Variants in FEZ1 observed in about 807,000 individuals in gnomAD.
FEZ1 encodes fasciculation and elongation protein zeta 1.
A neutral mutation model predicts 49.3 loss-of-function variants in FEZ1; 20 were observed. That is an observed-to-expected ratio of 0.41 (90% CI 0.29 to 0.59). The LOEUF is 0.59. Ranked by LOEUF, FEZ1 falls within the 20% of genes least tolerant of loss-of-function variation. The pLI is 0.36. For synonymous variants in FEZ1, 170 were observed against 180.9 expected (o/e 0.94, Z 0.48); for missense variants, 413 against 476.0 (o/e 0.87, Z 1.23).
intron 3 of FEZ1, among the ~76,000 whole-genome samples, chr11:125,477,514 C>CA (rs1957242845): frequency 6.6e-6 from 1 of 151,856 alleles, no homozygotes; most frequent in Non-Finnish European, 1.5e-5. Flanking sequence ...CACACACACA[C>CA]AAAAAATTAG....
At position 125,475,868 on chromosome 11, in the gene FEZ1, A is replaced by G. The variant is rs559431069; in HGVS notation, c.411+5666T>C. Among the ~76,000 whole-genome samples the G allele has an allele frequency of 2.4e-4, 36 of 152,342 alleles. No homozygotes were observed. In the South Asian group the frequency reaches 7.2e-3, roughly 31 times the overall value. On this transcript the variant is annotated intron_variant, in intron 3 of 9. Transcript: ENST00000278919. ...ACAGAAAAATGTTCACAGCAGCTTCATTTGAAATATGCAAAAAGTAGAAAA... is the reference window on the plus strand; with the variant it reads ...ACAGAAAAATGTTCACAGCAGCTTCGTTTGAAATATGCAAAAAGTAGAAAA...
At position 125,477,055 on chromosome 11, in the gene FEZ1, G is replaced by A. The variant is rs191909477; in HGVS notation, c.411+4479C>T. 7.9e-5 allele frequency among the ~76,000 whole-genome samples: 12 copies of A among 152,036 alleles called. 1 individual carries two copies. On this transcript the variant is annotated intron_variant, in intron 3 of 9. Transcript: ENST00000278919. ...AAAGATGAAAGGTACTAACTGGGAT[G>A]TTTTCAAGAAAAAAACATGGAATTG...
chr11:125,470,003 C>T (rs1036493219), intron 3 of FEZ1, among the ~76,000 whole-genome samples: 1 of 152,112 alleles, frequency 6.6e-6, no homozygotes, highest in African/African-American at 2.4e-5. Flanking sequence ...GAGTAAACCA[C>T]CATGCCTGGC....
intron 1 of FEZ1, among the ~76,000 whole-genome samples, chr11:125,490,861 T>C (rs777698096): frequency 6.6e-6 from 1 of 152,152 alleles, no homozygotes; most frequent in Non-Finnish European, 1.5e-5. Flanking sequence ...ACCTCTGGGT[T>C]CCACCAATCC....
chr11:125,486,163 C>T (rs949991678), intron 2 of FEZ1, among the ~76,000 whole-genome samples: 1 of 152,194 alleles, frequency 6.6e-6, no homozygotes, highest in African/African-American at 2.4e-5. Context: ...TGATGACAGG[C>T]AGTTTATTGT....
At position 125,449,441 on chromosome 11, in the gene FEZ1, A is replaced by AAAAAAAAAAAAAAAAAAG. The variant is rs796507357; in HGVS notation, c.1097-875_1097-874insCTTTTTTTTTTTTTTTTT. Among the ~76,000 whole-genome samples, 13 of 128,268 alleles carry AAAAAAAAAAAAAAAAAAG rather than the reference A, an allele frequency of 1.0e-4. 1 individual carries two copies. Among genetic ancestry groups the AAAAAAAAAAAAAAAAAAG allele is most frequent in the South Asian group, 2.7e-4 (1 of 3,752 alleles). The allele number at this position is 128,268 out of a possible 152,430, so 84.1% of individuals were successfully genotyped here. On this transcript the variant is annotated intron_variant, in intron 8 of 9. Transcript: ENST00000278919. ...ATAAAAAAAAAAAAAAAAAAAAAAA[A>AAAAAAAAAAAAAAAAAAG]AAGAAGAAGAGGAAGAAAAGAAAAA...
At chr11:125,459,509 G>A (rs957896890) in intron 5 of FEZ1, among the ~76,000 whole-genome samples, 10 of 151,000 alleles carry the variant, frequency 6.6e-5, no homozygotes, top group Non-Finnish European at 7.4e-5. Context: ...GGAGAATCGC[G>A]TGAAGCTGGG....
chr11:125,468,524 A>T (rs898304206), intron 3 of FEZ1, among the ~76,000 whole-genome samples: 2 of 152,138 alleles, frequency 1.3e-5, no homozygotes, highest in Non-Finnish European at 2.9e-5. Context: ...TCCTGTTTCC[A>T]TTTCTTTATA....
chr11:125,460,687 A>T, intron 4 of FEZ1, 21 bp from the exon 5 acceptor site: 1 of 1,610,028 alleles, frequency 6.2e-7, no homozygotes, highest in South Asian at 1.1e-5. Context: ...TACACGAGAG[A>T]GTGCTAACTC....
chr11:125,481,908 A>G (rs1192886968), intron 2 of FEZ1, among the ~76,000 whole-genome samples: 2 of 152,236 alleles, frequency 1.3e-5, no homozygotes, highest in South Asian at 2.1e-4. Flanking sequence ...GGCAGCATCT[A>G]TAATCAAACT....
chr11:125,446,111 A>G lies in FEZ1; in HGVS notation c.1163T>C (p.Val388Ala), dbSNP rs1449561154. The change falls in exon 10 of 10, where the codon GTG becomes GCG. Residue 388 changes from valine (V) to alanine (A), a missense_variant and splice_region_variant. Coordinates refer to ENST00000278919, the MANE Select transcript of FEZ1 (RefSeq NM_005103.5). ...PTLLTDYILK[V>A]LCPT ...AGGGCAAGGTTAGGTAGGGCAGAGC[A>G]CTGCAACGAGAAGAGAGGAGGGGAG... The G allele has an allele frequency of 6.2e-7, 1 of 1,614,000 alleles. No individual in the cohort carries two copies. The highest frequency in any genetic ancestry group is 8.5e-7 in the Non-Finnish European group (1 of 1,179,894).
intron 3 of FEZ1, among the ~76,000 whole-genome samples, chr11:125,470,902 G>A (rs1189534939): frequency 1.3e-5 from 2 of 151,978 alleles, no homozygotes; most frequent in Admixed American, 6.6e-5. Flanking sequence ...TTTGTGTTGT[G>A]GAGTATATAA....
chr11:125,457,483 C>T lies in FEZ1; in HGVS notation c.668-1377G>A, dbSNP rs200574945. Among the ~76,000 whole-genome samples, 45 of 47,792 alleles carry T rather than the reference C, an allele frequency of 9.4e-4. 1 individual carries two copies. Among genetic ancestry groups the T allele is most frequent in the Admixed American group, 3.9e-3 (17 of 4,346 alleles). 31.4% of individuals were successfully genotyped at this position (47,792 alleles called of 152,430 possible). A position where few individuals can be genotyped will look rare whatever the true frequency, so the allele number is the denominator to read the frequency against. On this transcript the variant is annotated intron_variant, in intron 5 of 9. Coordinates refer to ENST00000278919, the MANE Select transcript of FEZ1 (RefSeq NM_005103.5). ...ATACACATATATATGTATATATACA[C>T]ATATATGTGTATATATGTATATATA...
Position 125,489,672 on chromosome 11 carries a change from G to A in FEZ1, c.106C>T (p.His36Tyr), listed in dbSNP as rs748565380. The change falls in exon 2 of 10, where the codon CAC (histidine) becomes TAC (tyrosine). Residue 36 changes from histidine to tyrosine, a missense_variant. Coordinates refer to ENST00000278919, the MANE Select transcript of FEZ1 (RefSeq NM_005103.5). This position sits in a 1 kb window ranked among gnomAD's most constrained non-coding sequence, Gnocchi z 4.2. ...KPQCFYGSSPHHLEDPSLSEL... is the reference protein window; with the variant it reads ...KPQCFYGSSPYHLEDPSLSEL... ...GAGAGGGAGGGGTCCTCGAGATGGT[G>A]GGGAGATGAACCATAGAAACACTGG... 6.2e-7 allele frequency: 1 copy of A among 1,613,972 alleles called. No homozygotes were observed. The highest frequency in any genetic ancestry group is 1.1e-5 in the South Asian group (1 of 91,058).
chr11:125,448,950 GCCC>G (rs1417762014), intron 8 of FEZ1, among the ~76,000 whole-genome samples: 1 of 152,030 alleles, frequency 6.6e-6, no homozygotes, highest in Non-Finnish European at 1.5e-5. Flanking sequence ...CACGCAATAT[GCCC>G]CCGTAACAAA....
At position 125,485,535 on chromosome 11, in the gene FEZ1, GC is replaced by G. The variant is rs1287286841; in HGVS notation, c.312-3903del. Among the ~76,000 whole-genome samples, 10 of 152,260 alleles carry G rather than the reference GC, an allele frequency of 6.6e-5. No individual in the cohort carries two copies. In the South Asian group the frequency reaches 1.9e-3, roughly 28 times the overall value. ...TCTAACTTGCTGACATTTCCCTCAA[GC>G]CTGGCTACTTCCCTTGTCTAGTGTT... is the stretch of plus-strand genomic sequence containing the variant. On this transcript the variant is annotated intron_variant, in intron 2 of 9. Coordinates refer to ENST00000278919, the MANE Select transcript of FEZ1 (RefSeq NM_005103.5).
Position 125,463,579 on chromosome 11 carries a change from G to A in FEZ1, c.412-9C>T, listed in dbSNP as rs754485192. 1.4e-5 allele frequency: 22 copies of A among 1,560,840 alleles called. 1 individual carries two copies. The South Asian group carries it at 2.0e-4, about 14-fold the overall frequency. ...TCTTCTTTCTCATGGATCTGGAGAG[G>A]AGGTGGGGAGATGGAATTCTGGGTG... On this transcript the variant is annotated splice_polypyrimidine_tract_variant and intron_variant, in intron 3 of 9. Coordinates refer to ENST00000278919, the MANE Select transcript of FEZ1 (RefSeq NM_005103.5).
chr11:125,453,869 T>G (rs1956980530), intron 7 of FEZ1: 1 of 318,932 alleles, frequency 3.1e-6, no homozygotes, highest in Admixed American at 5.0e-5. Flanking sequence ...AACTTAATTC[T>G]TAGACCTACA....
intron 2 of FEZ1, 177 bp from the exon 3 acceptor site, chr11:125,481,810 G>C: frequency 1.6e-6 from 1 of 614,492 alleles, no homozygotes; most frequent in Non-Finnish European, 2.9e-6. Flanking sequence ...ACATCCAGGG[G>C]AGAAAGTGCA....
Sources: allele counts gnomAD v4.1 joint callset (sites outside exome capture counted in the v4.1 genomes callset), GRCh38; gene constraint gnomAD v4.1.1; non-coding constraint Gnocchi (gnomAD v3.1); transcripts MANE v1.5; gene names NCBI Gene and HGNC (gene_info 2026-07-23, HGNC 2026-07-21).